Variants in STIM2 observed in about 807,000 individuals in gnomAD.
STIM2 encodes the protein stromal interaction molecule 2.
Under a neutral mutation model 85.8 loss-of-function variants are expected in STIM2, and 31 were observed. That is an observed-to-expected ratio of 0.36 (90% CI 0.27 to 0.49). STIM2 has a LOEUF of 0.49. Ranked by LOEUF, STIM2 falls within the 20% of genes least tolerant of loss-of-function variation. STIM2 has a pLI of 0.98. For missense variants in STIM2, 841 were observed against 927.6 expected (o/e 0.91, Z 1.21); for synonymous variants, 356 against 331.1 (o/e 1.08, Z -0.82).
chr4:26,985,232 A>G (rs1041848001), intron 3 of STIM2, among the ~76,000 whole-genome samples: 3 of 152,212 alleles, frequency 2.0e-5, no homozygotes, highest in African/African-American at 7.2e-5. Context: ...AACTTACTCA[A>G]CTTTTAGATT....
intron 1 of STIM2, among the ~76,000 whole-genome samples, chr4:26,919,017 G>A (rs535301311): frequency 6.4e-4 from 97 of 152,152 alleles, no homozygotes; most frequent in African/African-American, 2.1e-3. Flanking sequence ...AAAGGGTCAT[G>A]TGACTATTTT....
rs777285458 is a variant in STIM2 at position 27,022,617 on chromosome 4, C to T, written c.1862C>T (p.Ser621Phe). ...AGCCTCGAGATATACCAAACATTAT[C>T]TCCGCGAAAGATATCAAGAGATGAG... is the stretch of plus-strand genomic sequence containing the variant. The change falls in exon 12 of 12, where the codon TCT (serine) becomes TTT (phenylalanine). Residue 621 changes from serine (S) to phenylalanine (F), a missense_variant. Ser to Phe is a radical substitution (Grantham distance 155). Transcript: ENST00000467087. The T allele has an allele frequency of 1.3e-5, 21 of 1,614,006 alleles. No homozygotes were observed. The highest frequency in any genetic ancestry group is 6.6e-5 in the South Asian group (6 of 91,090).
intron 1 of STIM2, among the ~76,000 whole-genome samples, chr4:26,872,452 T>G (rs1014237041): frequency 6.6e-6 from 1 of 152,178 alleles, no homozygotes; most frequent in African/African-American, 2.4e-5. Flanking sequence ...ATAAAAAATT[T>G]AGAACATACT....
intron 1 of STIM2, among the ~76,000 whole-genome samples, chr4:26,872,319 G>T (rs968360440): frequency 1.3e-5 from 2 of 152,178 alleles, no homozygotes; most frequent in Non-Finnish European, 2.9e-5. Context: ...AAAAAAATTA[G>T]TTGTATCATA....
intron 1 of STIM2, among the ~76,000 whole-genome samples, chr4:26,884,399 G>A (rs1342340484): frequency 6.6e-6 from 1 of 152,178 alleles, no homozygotes; most frequent in Non-Finnish European, 1.5e-5. Flanking sequence ...AGCTGTTACT[G>A]TATTTTAAAA....
intron 1 of STIM2, among the ~76,000 whole-genome samples, chr4:26,893,596 A>G (rs1164124146): frequency 1.3e-5 from 2 of 152,158 alleles, no homozygotes; most frequent in Non-Finnish European, 2.9e-5. Context: ...TATGAACAGT[A>G]CTTCTGTGAC....
rs536471752 is a variant in STIM2 at position 26,892,142 on chromosome 4, C to T, written c.152-27362C>T. Among the ~76,000 whole-genome samples the T allele has an allele frequency of 3.9e-5, 6 of 152,322 alleles. No individual in the cohort carries two copies. The East Asian group carries it at 9.6e-4, about 24-fold the overall frequency. ...CCCCAGCCATGCAGAACTGTAAGTC[C>T]AGTAAACCTCTTTCTTTTGTAAATT... On this transcript the variant is annotated intron_variant, in intron 1 of 11. Coordinates refer to ENST00000467087, the MANE Select transcript of STIM2 (RefSeq NM_020860.4).
At chr4:26,961,360 A>G (rs1227797748) in intron 3 of STIM2, among the ~76,000 whole-genome samples, 1 of 152,146 alleles carries the variant, frequency 6.6e-6, no homozygotes, top group Non-Finnish European at 1.5e-5. Context: ...AAATGATACC[A>G]TGTTTGGAAA....
In STIM2 at chr4:27,022,532, A is replaced by G; in HGVS notation, c.1777A>G (p.Thr593Ala). 6.3e-7 allele frequency: 1 copy of G among 1,593,030 alleles called. No homozygotes were observed. Among genetic ancestry groups the G allele is most frequent in the Non-Finnish European group, 8.6e-7 (1 of 1,164,682 alleles). Residue 593 changes from threonine (T) to alanine (A), a missense_variant, in exon 12 of 12, where the codon ACA (threonine) becomes GCA (alanine). Thr to Ala is a moderately conservative substitution (Grantham distance 58, BLOSUM62 0). Transcript: ENST00000467087. ...TGTTTCATTCAGGGAAGTGCCAGAC[A>G]CAGCTTCAGAATGTGACTCCTTAAA...
At chr4:26,976,203 C>T (rs114427638) in intron 3 of STIM2, among the ~76,000 whole-genome samples, 5,514 of 152,070 alleles carry the variant, frequency 0.036, 139 homozygotes, top group South Asian at 0.076. Flanking sequence ...TTGCACTTCT[C>T]GGGTGATGCG....
At chr4:26,921,405 C>T (rs1007658357) in intron 2 of STIM2, among the ~76,000 whole-genome samples, 14 of 152,162 alleles carry the variant, frequency 9.2e-5, no homozygotes, top group South Asian at 4.1e-4. Context: ...TGAATGGAAA[C>T]GAATACAGGC....
chr4:26,970,850 C>CAATGGTTT (rs547515092), intron 3 of STIM2, among the ~76,000 whole-genome samples: 112 of 152,256 alleles, frequency 7.4e-4, no homozygotes, highest in South Asian at 7.0e-3. Flanking sequence ...CTAACTTACA[C>CAATGGTTT]TCCCACCAAC....
intron 2 of STIM2, among the ~76,000 whole-genome samples, chr4:26,928,167 C>G (rs906863022): frequency 2.0e-5 from 3 of 152,048 alleles, no homozygotes; most frequent in African/African-American, 7.2e-5. Flanking sequence ...ATTAATTCCT[C>G]TCCTGAGGGT....
chr4:26,944,629 CA>C (rs1349948170), intron 2 of STIM2, among the ~76,000 whole-genome samples: 1 of 152,180 alleles, frequency 6.6e-6, no homozygotes, highest in Non-Finnish European at 1.5e-5. Flanking sequence ...AAGGAGCTCA[CA>C]CTAGTATTGT....
At chr4:27,001,396 A>G (rs1728148481) in intron 5 of STIM2, among the ~76,000 whole-genome samples, 1 of 152,176 alleles carries the variant, frequency 6.6e-6, no homozygotes, top group Non-Finnish European at 1.5e-5. Context: ...TTTTAGACAT[A>G]AGGCTGGGGG....
At position 26,917,242 on chromosome 4, in the gene STIM2, A is replaced by G. The variant is rs533844426; in HGVS notation, c.152-2262A>G. ...AATTTCAAATCCCTTGACATTTCAT[A>G]TCTGCTTTTCACTTTCCCCTTAAAT... On this transcript the variant is annotated intron_variant, in intron 1 of 11. Coordinates refer to ENST00000467087, the MANE Select transcript of STIM2 (RefSeq NM_020860.4). Among the ~76,000 whole-genome samples, 62 of 152,310 alleles carry G rather than the reference A, an allele frequency of 4.1e-4. 1 individual carries two copies. Among genetic ancestry groups the G allele is most frequent in the African/African-American group, 1.4e-3 (59 of 41,580 alleles).
chr4:26,959,402 C>A (rs1161115091), intron 3 of STIM2, among the ~76,000 whole-genome samples: 1 of 152,130 alleles, frequency 6.6e-6, no homozygotes, highest in Non-Finnish European at 1.5e-5. Flanking sequence ...CCCTGTTTAA[C>A]ATTGCTAACC....
intron 1 of STIM2, among the ~76,000 whole-genome samples, chr4:26,866,127 T>G (rs1722400685): frequency 6.6e-6 from 1 of 152,202 alleles, no homozygotes; most frequent in Non-Finnish European, 1.5e-5. Flanking sequence ...GTCACCCAGG[T>G]ACTGAGCATA....
At chr4:26,890,043 A>G (rs143957892) in intron 1 of STIM2, among the ~76,000 whole-genome samples, 2 of 152,296 alleles carry the variant, frequency 1.3e-5, no homozygotes, top group African/African-American at 4.8e-5. Flanking sequence ...TCTTCTTCCA[A>G]GCAAAATGAG....
Sources: gnomAD v4.1 joint callset for allele counts (sites outside exome capture counted in the v4.1 genomes callset) on GRCh38, gnomAD v4.1.1 for gene constraint, MANE v1.5 for transcripts, NCBI Gene and HGNC (gene_info 2026-07-23, HGNC 2026-07-21) for gene names.